Variants in GALNT13 observed in about 807,000 individuals in gnomAD.
GALNT13 encodes UDP-GalNAc:polypeptide N-acetylgalactosaminyltransferase 13.
Under a neutral mutation model 64.2 loss-of-function variants are expected in GALNT13, and 28 were observed. The observed-to-expected ratio is 0.44, with a 90% confidence interval of 0.32 to 0.60. GALNT13 has a LOEUF of 0.60. Ranked by LOEUF, GALNT13 falls within the 20% of genes least tolerant of loss-of-function variation. GALNT13 has a pLI of 0.05. For missense variants in GALNT13, 577 were observed against 669.8 expected (o/e 0.86, Z 1.53); for synonymous variants, 214 against 224.6 (o/e 0.95, Z 0.42).
intron 2 of GALNT13, among the ~76,000 whole-genome samples, chr2:153,944,001 A>G (rs1046294155): frequency 1.3e-5 from 2 of 152,182 alleles, no homozygotes; most frequent in South Asian, 4.1e-4. Context: ...AGCCACTATA[A>G]TATATTGTAT....
At chr2:153,634,843 C>G in the GALNT13 span, among the ~76,000 whole-genome samples, 2 of 151,950 alleles carry the variant, frequency 1.3e-5, no homozygotes, top group African/African-American at 4.8e-5. Context: ...GCCACCATGC[C>G]CAGCTGAAAA....
At chr2:154,351,103 A>G (rs747495690) in intron 9 of GALNT13, among the ~76,000 whole-genome samples, 20 of 152,192 alleles carry the variant, frequency 1.3e-4, no homozygotes, top group Non-Finnish European at 2.8e-4. Flanking sequence ...GCCATGTAAG[A>G]GCCTGAGTCT....
the GALNT13 span, among the ~76,000 whole-genome samples, chr2:153,124,437 T>C: frequency 6.6e-6 from 1 of 152,204 alleles, no homozygotes; most frequent in Non-Finnish European, 1.5e-5. Flanking sequence ...TTCTCCAAGT[T>C]TGGAAATTTA....
intron 3 of GALNT13, among the ~76,000 whole-genome samples, chr2:154,046,310 C>A (rs1292206452): frequency 1.3e-5 from 2 of 151,932 alleles, no homozygotes; most frequent in Non-Finnish European, 2.9e-5. Context: ...GATGACAGAG[C>A]AAGACTTTAA....
At chr2:153,271,813 A>G in the GALNT13 span, among the ~76,000 whole-genome samples, 1 of 152,208 alleles carries the variant, frequency 6.6e-6, no homozygotes, top group Non-Finnish European at 1.5e-5. Context: ...AGCCAAGACA[A>G]TCCTAAGCAA....
At chr2:153,635,005 G>A in the GALNT13 span, among the ~76,000 whole-genome samples, 1 of 152,058 alleles carries the variant, frequency 6.6e-6, no homozygotes, top group Admixed American at 6.6e-5. Flanking sequence ...GAAAAATTAG[G>A]TGCTAAAGCA....
chr2:153,999,506 G>A (rs962234777), intron 3 of GALNT13, among the ~76,000 whole-genome samples: 1 of 151,968 alleles, frequency 6.6e-6, no homozygotes, highest in Non-Finnish European at 1.5e-5. Context: ...CTAATTCATT[G>A]AGAATTTTTA....
At chr2:154,064,385 T>G (rs539175923) in intron 3 of GALNT13, among the ~76,000 whole-genome samples, 47 of 152,272 alleles carry the variant, frequency 3.1e-4, no homozygotes, top group Non-Finnish European at 5.3e-4. Flanking sequence ...TGTGATCTAA[T>G]GAGACACTAG....
At chr2:154,311,303 C>T (rs1050489502) in intron 9 of GALNT13, among the ~76,000 whole-genome samples, 2 of 151,896 alleles carry the variant, frequency 1.3e-5, no homozygotes, top group Admixed American at 1.3e-4. Flanking sequence ...TCCTAAGCGT[C>T]GACTGGCTTG....
the GALNT13 span, among the ~76,000 whole-genome samples, chr2:153,708,122 A>G: frequency 6.6e-6 from 1 of 152,048 alleles, no homozygotes; most frequent in African/African-American, 2.4e-5. Context: ...CAATTTCTGT[A>G]TTCTATATAG....
At chr2:153,541,877 T>C in the GALNT13 span, among the ~76,000 whole-genome samples, 1 of 152,248 alleles carries the variant, frequency 6.6e-6, no homozygotes, top group Non-Finnish European at 1.5e-5. Flanking sequence ...AAAGCTCTTG[T>C]GTTATATGAA....
At chr2:153,398,354 G>T in the GALNT13 span, among the ~76,000 whole-genome samples, 3 of 152,074 alleles carry the variant, frequency 2.0e-5, no homozygotes, top group Non-Finnish European at 4.4e-5. Context: ...CCAAGTCTTT[G>T]TTATGGTGAA....
chr2:154,229,257 G>C (rs150435452), intron 4 of GALNT13, among the ~76,000 whole-genome samples: 1 of 151,988 alleles, frequency 6.6e-6, no homozygotes, highest in Non-Finnish European at 1.5e-5. Flanking sequence ...TTTGACTTTC[G>C]TTATCAATAA....
chr2:154,248,687 T>C (rs1573951762), intron 7 of GALNT13, among the ~76,000 whole-genome samples: 1 of 152,122 alleles, frequency 6.6e-6, no homozygotes, highest in South Asian at 2.1e-4. Flanking sequence ...CTTGCTACAA[T>C]GGACCAGGAT....
chr2:154,422,522 C>T (rs1376407676), intron 11 of GALNT13, among the ~76,000 whole-genome samples: 1 of 152,100 alleles, frequency 6.6e-6, no homozygotes, highest in Admixed American at 6.6e-5. Context: ...ATTCCAATTT[C>T]GAATAGAAAA....
At chr2:153,738,080 T>C in the GALNT13 span, among the ~76,000 whole-genome samples, 1 of 152,022 alleles carries the variant, frequency 6.6e-6, no homozygotes, top group African/African-American at 2.4e-5. Context: ...TTTCTGCAAA[T>C]ATTTTTATTT....
At chr2:154,361,309 A>G (rs532764155) in intron 9 of GALNT13, among the ~76,000 whole-genome samples, 9 of 152,290 alleles carry the variant, frequency 5.9e-5, no homozygotes, top group African/African-American at 1.9e-4. Flanking sequence ...GTATATGTGT[A>G]ACCTAAATTA....
At chr2:153,546,583 A>G in the GALNT13 span, among the ~76,000 whole-genome samples, 1 of 152,180 alleles carries the variant, frequency 6.6e-6, no homozygotes, top group Non-Finnish European at 1.5e-5. Context: ...TAGATGCTCT[A>G]CTTCACCTCA....
the GALNT13 span, among the ~76,000 whole-genome samples, chr2:153,363,047 G>T: frequency 6.6e-6 from 1 of 152,112 alleles, no homozygotes; most frequent in South Asian, 2.1e-4. Context: ...TCAGAACATA[G>T]TGCAATCAAA....
Sources: gnomAD v4.1 joint callset for allele counts (sites outside exome capture counted in the v4.1 genomes callset) on GRCh38, gnomAD v4.1.1 for gene constraint, MANE v1.5 for transcripts, NCBI Gene and HGNC (gene_info 2026-07-23, HGNC 2026-07-21) for gene names.